WDR88: variants seen among roughly 807,000 people sequenced by gnomAD.
WDR88 encodes WD repeat-containing protein 88.
Under a neutral mutation model 46.8 loss-of-function variants are expected in WDR88, and 40 were observed. The observed-to-expected ratio is 0.86, with a 90% CI of 0.66 to 1.11. The LOEUF (loss-of-function observed/expected upper bound fraction) is 1.11. WDR88 is among the 50% of genes most tolerant of loss of function. The probability of loss-of-function intolerance (pLI) is 0.00; values close to 1 mark genes in which losing one functional copy is unlikely to be tolerated. For synonymous variants in WDR88, 235 were observed against 240.7 expected, an observed-to-expected ratio of 0.98 and a Z score of 0.22; for missense variants, 562 against 602.4, an observed-to-expected ratio of 0.93 and a Z score of 0.70.
chr19:33,136,813 G>A (rs1973276249), intron 1 of WDR88, among the ~76,000 whole-genome samples: 1 of 152,242 alleles, frequency 6.6e-6, no homozygotes, highest in East Asian at 1.9e-4. Context: ...CTGGCCTCAA[G>A]TGATCCGCCT....
intron 5 of WDR88, among the ~76,000 whole-genome samples, chr19:33,149,325 A>AAAAC (rs3884141): frequency 0.3 from 44,235 of 149,860 alleles, 7,957 homozygotes; most frequent in African/African-American, 0.51. Flanking sequence ...CCATCTCAAA[A>AAAAC]AAACAAACAA....
At chr19:33,152,494 T>C (rs1292304085) in intron 6 of WDR88, among the ~76,000 whole-genome samples, 1 of 152,194 alleles carries the variant, frequency 6.6e-6, no homozygotes, top group South Asian at 2.1e-4. Context: ...ATATTTCATA[T>C]AAGTAGAGTC....
rs1485680280 is a variant in WDR88, at chr19:33,132,122, C to T, written c.-48C>T. ...CGCGGGCGCGGGCGCGCGGCGCCAC[C>T]GTTCCCATCCAGGCTTGTCGGCGGC... On this transcript the variant is annotated 5_prime_UTR_variant, in exon 1 of 11. Coordinates refer to ENST00000355868, the MANE Select transcript of WDR88 (RefSeq NM_173479.4). The T allele has an allele frequency of 3.9e-6, 6 of 1,519,112 alleles. No individual in the cohort carries two copies. The highest frequency in any genetic ancestry group is 5.3e-6 in the Non-Finnish European group (6 of 1,138,448). The allele number at this position is 1,519,112 out of a possible 1,614,324, so 94.1% of individuals were successfully genotyped here. A position where few individuals can be genotyped will look rare whatever the true frequency, so the allele number is the denominator to read the frequency against.
chr19:33,148,402 A>G (rs1174378198), intron 4 of WDR88, among the ~76,000 whole-genome samples: 1 of 152,148 alleles, frequency 6.6e-6, no homozygotes, highest in South Asian at 2.1e-4. Context: ...CATTTTTAGA[A>G]AGACAAGATA....
chr19:33,138,182 A>T, intron 2 of WDR88, among the ~76,000 whole-genome samples: 1 of 151,704 alleles, frequency 6.6e-6, no homozygotes, highest in East Asian at 1.9e-4. Flanking sequence ...GATTTCAGGC[A>T]TGTGCCACCA....
intron 7 of WDR88, among the ~76,000 whole-genome samples, chr19:33,159,592 A>G (rs1055046598): frequency 6.6e-6 from 1 of 152,114 alleles, no homozygotes; most frequent in Non-Finnish European, 1.5e-5. Context: ...GTACTGATCA[A>G]CTGATGAGAA....
intron 7 of WDR88, among the ~76,000 whole-genome samples, chr19:33,158,217 AT>A (rs1209159596): frequency 6.6e-6 from 1 of 152,122 alleles, no homozygotes; most frequent in Non-Finnish European, 1.5e-5. Flanking sequence ...GCTGGCACAC[AT>A]GCCACTGGGG....
chr19:33,153,682 A>C (rs1041936066), intron 6 of WDR88, among the ~76,000 whole-genome samples: 1 of 151,946 alleles, frequency 6.6e-6, no homozygotes, highest in Non-Finnish European at 1.5e-5. Flanking sequence ...TTTAGTAGAG[A>C]CAGGGTTTCA....
intron 1 of WDR88, among the ~76,000 whole-genome samples, chr19:33,134,840 A>AC (rs766617576): frequency 0.028 from 1,747 of 62,354 alleles, 23 homozygotes; most frequent in African/African-American, 0.042. Flanking sequence ...CGTCCCCGAC[A>AC]CCCCCCCCCC....
intron 7 of WDR88, among the ~76,000 whole-genome samples, chr19:33,159,815 T>A (rs1369166121): frequency 6.6e-6 from 1 of 152,070 alleles, no homozygotes; most frequent in East Asian, 1.9e-4. Flanking sequence ...GCCCTTTATT[T>A]TTATTATTAT....
In WDR88 at chr19:33,156,095, G is replaced by A. The variant is rs576059945; in HGVS notation, c.810-260G>A. ...TATTTTTCTAAAAATTGGTGCAGTC[G>A]AGAAATGCTGGAACAGCGTGACAGT... On this transcript the variant is annotated intron_variant, in intron 6 of 10. Coordinates refer to ENST00000355868, the MANE Select transcript of WDR88 (RefSeq NM_173479.4). 3.3e-5 allele frequency among the ~76,000 whole-genome samples: 5 copies of A among 152,340 alleles called. No individual in the cohort carries two copies. The South Asian group carries it at 1.0e-3, about 32-fold the overall frequency.
chr19:33,163,733 G>A (rs1370282613), intron 8 of WDR88, among the ~76,000 whole-genome samples: 1 of 150,548 alleles, frequency 6.6e-6, no homozygotes, highest in Non-Finnish European at 1.5e-5. Flanking sequence ...CCCGGGCTCC[G>A]GTGACTCTCC....
intron 8 of WDR88, among the ~76,000 whole-genome samples, chr19:33,160,958 G>T (rs1346998544): frequency 6.6e-6 from 1 of 152,044 alleles, no homozygotes; most frequent in Non-Finnish European, 1.5e-5. Context: ...GATCACCTGA[G>T]GTCAGGAGTT....
intron 1 of WDR88, among the ~76,000 whole-genome samples, chr19:33,135,354 T>G (rs1335893583): frequency 6.6e-6 from 1 of 152,210 alleles, no homozygotes; most frequent in Non-Finnish European, 1.5e-5. Flanking sequence ...TCATCCATGT[T>G]GTAGCCTGTA....
At chr19:33,138,750 C>A (rs1973330758) in intron 2 of WDR88, among the ~76,000 whole-genome samples, 1 of 146,654 alleles carries the variant, frequency 6.8e-6, no homozygotes, top group Admixed American at 7.0e-5. Context: ...GTGCCACGAT[C>A]TCGGCTCACT....
At chr19:33,167,108 C>T (rs1046985417) in intron 9 of WDR88, among the ~76,000 whole-genome samples, 2 of 151,880 alleles carry the variant, frequency 1.3e-5, no homozygotes, top group African/African-American at 4.8e-5. Context: ...ACAAACATGA[C>T]AATAAAAGAA....
rs571091956 is a variant in WDR88 at position 33,156,503 on chromosome 19, C to T, written c.958C>T (p.His320Tyr). The T allele has an allele frequency of 5.6e-6, 9 of 1,614,048 alleles. No homozygotes were observed. In the Admixed American group the frequency reaches 6.7e-5, roughly 12 times the overall value. ...CGACVTLMQGHEGSVSSCHFA... is the reference protein window; with the variant it reads ...CGACVTLMQGYEGSVSSCHFA... The stretch of plus-strand genomic sequence containing the variant: ...AGCCTGTGTGACTCTGATGCAGGGC[C>T]ATGAAGGTTCTGTCAGTTCCTGTCA... Residue 320 changes from histidine (H) to tyrosine (Y), a missense_variant, in exon 7 of 11, where the codon CAT becomes TAT. Coordinates refer to ENST00000355868, the MANE Select transcript of WDR88 (RefSeq NM_173479.4).
At chr19:33,166,557 A>G (rs1973957610) in intron 9 of WDR88, among the ~76,000 whole-genome samples, 1 of 152,004 alleles carries the variant, frequency 6.6e-6, no homozygotes, top group Non-Finnish European at 1.5e-5. Flanking sequence ...TGATCATGCC[A>G]TTATACTCCA....
At chr19:33,142,680 C>T (rs1973421442) in intron 2 of WDR88, 1 of 151,642 alleles carries the variant, frequency 6.6e-6, no homozygotes, top group African/African-American at 2.4e-5. Context: ...CCAACACAGA[C>T]AGCAGTCCCG....
Sources: gnomAD v4.1 joint callset for allele counts (sites outside exome capture counted in the v4.1 genomes callset) on GRCh38, gnomAD v4.1.1 for gene constraint, MANE v1.5 for transcripts, NCBI Gene and HGNC (gene_info 2026-07-23, HGNC 2026-07-21) for gene names.